The following SLC13A1 variants were observed in gnomAD, a reference collection of about 807,000 sequenced individuals.
The protein encoded by SLC13A1 is solute carrier family 13 member 1, also known as Na(+)/sulfate cotransporter.
SLC13A1 carries 65 observed loss-of-function variants against 70.0 expected under a neutral mutation model. That is an observed-to-expected ratio of 0.93 (90% CI 0.76 to 1.14). SLC13A1 has a LOEUF of 1.14. SLC13A1 is among the 50% of genes most tolerant of loss of function. SLC13A1 has a pLI of 0.00. For synonymous variants in SLC13A1, 275 were observed against 250.5 expected (o/e 1.10, Z -0.92); for missense variants, 726 against 717.8 (o/e 1.01, Z -0.13).
At chr7:123,142,913 G>A (rs963702956) in intron 7 of SLC13A1, among the ~76,000 whole-genome samples, 15 of 151,944 alleles carry the variant, frequency 9.9e-5, no homozygotes, top group African/African-American at 2.2e-4. Context: ...CACCGCACCC[G>A]GCTGACGAAG....
intron 6 of SLC13A1, among the ~76,000 whole-genome samples, chr7:123,162,797 G>A (rs2462154): frequency 0.029 from 4,373 of 152,020 alleles, 209 homozygotes; most frequent in African/African-American, 0.1. Context: ...GTGTTGTCTT[G>A]TACAATTGGA....
chr7:123,156,840 C>A (rs1302909065), intron 6 of SLC13A1, among the ~76,000 whole-genome samples: 1 of 152,190 alleles, frequency 6.6e-6, no homozygotes, highest in Non-Finnish European at 1.5e-5. Flanking sequence ...CAAACCTATC[C>A]CTTCAGATGA....
intron 9 of SLC13A1, 87 bp from the exon 10 acceptor site, chr7:123,129,033 G>A (rs1166239830): frequency 8.0e-6 from 7 of 871,634 alleles, no homozygotes; most frequent in Admixed American, 3.9e-5. Context: ...AGGAATGATC[G>A]CAGTAGAACA....
At position 123,199,322 on chromosome 7, in the gene SLC13A1, A is replaced by G. The variant is rs140139338; in HGVS notation, c.99+526T>C. Among the ~76,000 whole-genome samples, 192 of 152,214 alleles carry G rather than the reference A, an allele frequency of 1.3e-3. 1 individual carries two copies. The highest frequency in any genetic ancestry group is 4.4e-3 in the African/African-American group (181 of 41,574). ...AATGCTTTATTAGATTTTCTGATTG[A>G]CCAAGGGAAATTACTCTAAGCTTTC... On this transcript the variant is annotated intron_variant, in intron 1 of 14. Coordinates refer to ENST00000194130, the MANE Select transcript of SLC13A1 (RefSeq NM_022444.4).
At chr7:123,133,216 G>A (rs1337757549) in intron 8 of SLC13A1, among the ~76,000 whole-genome samples, 1 of 152,104 alleles carries the variant, frequency 6.6e-6, no homozygotes, top group African/African-American at 2.4e-5. Flanking sequence ...CCTCTGAGAA[G>A]CCAGAATTTT....
rs1268359798 is a variant in SLC13A1, at chr7:123,113,803, CAT to C, written c.*1713_*1714del. On this transcript the variant is annotated 3_prime_UTR_variant, in exon 15 of 15. Transcript: ENST00000194130. ...TTTTTTGCATTGGCCCATTAATAAA[CAT>C]AGATAAATAATGAACATGGCCAATT... The C allele has an allele frequency of 1.3e-5, 2 of 151,970 alleles. No individual in the cohort carries two copies. Among genetic ancestry groups the C allele is most frequent in the African/African-American group, 4.8e-5 (2 of 41,402 alleles). The allele number at this position is 151,970 out of a possible 1,614,324, so 9.4% of individuals were successfully genotyped here.
chr7:123,146,839 C>G (rs1032599586), intron 7 of SLC13A1, among the ~76,000 whole-genome samples: 10 of 145,520 alleles, frequency 6.9e-5, no homozygotes, highest in African/African-American at 2.6e-4. Flanking sequence ...GAAAATAATT[C>G]CTTTTCACTT....
At chr7:123,191,540 A>T (rs546464578) in intron 1 of SLC13A1, among the ~76,000 whole-genome samples, 1 of 152,188 alleles carries the variant, frequency 6.6e-6, no homozygotes, top group Non-Finnish European at 1.5e-5. Flanking sequence ...CTAAAACCTC[A>T]TCTAGACTGT....
chr7:123,191,582 T>C (rs1449605992), intron 1 of SLC13A1, among the ~76,000 whole-genome samples: 1 of 152,184 alleles, frequency 6.6e-6, no homozygotes, highest in Non-Finnish European at 1.5e-5. Context: ...GAAAAACTTA[T>C]TTAAGATGTG....
intron 1 of SLC13A1, among the ~76,000 whole-genome samples, chr7:123,182,244 T>C (rs1352469296): frequency 6.6e-6 from 1 of 152,132 alleles, no homozygotes; most frequent in Non-Finnish European, 1.5e-5. Context: ...GTATACTAGC[T>C]TAAATTAAAA....
At chr7:123,157,664 A>G (rs932882581) in intron 6 of SLC13A1, among the ~76,000 whole-genome samples, 3 of 152,146 alleles carry the variant, frequency 2.0e-5, no homozygotes, top group African/African-American at 4.8e-5. Flanking sequence ...ATAACATAGC[A>G]TATTTTTCTA....
At chr7:123,184,268 T>C (rs1312175648) in intron 1 of SLC13A1, among the ~76,000 whole-genome samples, 1 of 152,164 alleles carries the variant, frequency 6.6e-6, no homozygotes, top group Non-Finnish European at 1.5e-5. Flanking sequence ...ACATCATTAT[T>C]ATCTTTGTGC....
chr7:123,198,870 C>T (rs1796265214), intron 1 of SLC13A1, among the ~76,000 whole-genome samples: 1 of 152,048 alleles, frequency 6.6e-6, no homozygotes, highest in Non-Finnish European at 1.5e-5. Context: ...AGTCAACACA[C>T]CCAAGGAGAC....
chr7:123,117,324 A>T, intron 14 of SLC13A1, 147 bp downstream of exon 14: 1 of 664,602 alleles, frequency 1.5e-6, no homozygotes, highest in Non-Finnish European at 2.5e-6. Flanking sequence ...CAATTTTGTG[A>T]TTAGTCATGC....
At chr7:123,184,062 C>T (rs1795721437) in intron 1 of SLC13A1, among the ~76,000 whole-genome samples, 1 of 152,076 alleles carries the variant, frequency 6.6e-6, no homozygotes, top group African/African-American at 2.4e-5. Context: ...CCTTTTTTCA[C>T]ATCTGAAGAA....
intron 6 of SLC13A1, among the ~76,000 whole-genome samples, chr7:123,166,147 G>A (rs1340344876): frequency 6.6e-6 from 1 of 151,948 alleles, no homozygotes; most frequent in Non-Finnish European, 1.5e-5. Flanking sequence ...ATTTTTATAA[G>A]TCCGTCTTGT....
At chr7:123,122,876 T>G (rs1793429965) in intron 12 of SLC13A1, among the ~76,000 whole-genome samples, 1 of 152,132 alleles carries the variant, frequency 6.6e-6, no homozygotes, top group African/African-American at 2.4e-5. Context: ...TTAAACATTT[T>G]AATCTTCTTT....
chr7:123,118,648 C>T (rs1793260411), intron 13 of SLC13A1, among the ~76,000 whole-genome samples: 1 of 152,080 alleles, frequency 6.6e-6, no homozygotes. Flanking sequence ...GAAGTGTGAG[C>T]CTAGTTTTTC....
At chr7:123,173,264 G>A (rs980915902) in intron 2 of SLC13A1, among the ~76,000 whole-genome samples, 8 of 151,940 alleles carry the variant, frequency 5.3e-5, no homozygotes, top group African/African-American at 9.7e-5. Context: ...GCTTCGTTTC[G>A]ATAAAAAGCA....
Sources: gnomAD v4.1 joint callset for allele counts (sites outside exome capture counted in the v4.1 genomes callset) on GRCh38, gnomAD v4.1.1 for gene constraint, MANE v1.5 for transcripts, NCBI Gene and HGNC (gene_info 2026-07-23, HGNC 2026-07-21) for gene names.